Variants in STK24 observed in about 807,000 individuals in gnomAD.
The protein encoded by STK24 is serine/threonine kinase 24, also known as serine/threonine-protein kinase 24.
A neutral mutation model predicts 55.6 loss-of-function variants in STK24; 21 were observed. The observed-to-expected ratio is 0.38, with a 90% CI of 0.27 to 0.54. The LOEUF is 0.54. Ranked by LOEUF, STK24 falls within the 20% of genes least tolerant of loss-of-function variation. STK24 has a pLI of 0.79. For missense variants in STK24, 383 were observed against 538.4 expected (o/e 0.71, Z 2.86); for synonymous variants, 200 against 215.2 (o/e 0.93, Z 0.62).
intron 1 of STK24, among the ~76,000 whole-genome samples, chr13:98,529,019 CAG>C (rs1181096915): frequency 6.6e-6 from 1 of 152,164 alleles, no homozygotes; most frequent in Non-Finnish European, 1.5e-5. Flanking sequence ...AACCGAGCCT[CAG>C]AATCTACTCA....
rs552789685 is a variant in STK24 at position 98,528,401 on chromosome 13, G to C, written c.43-8928C>G. 2.8e-4 allele frequency among the ~76,000 whole-genome samples: 43 copies of C among 152,250 alleles called. No homozygotes were observed. The Middle Eastern group carries it at 0.01, about 36-fold the overall frequency. The stretch of plus-strand genomic sequence containing the variant: ...GGTCCCCTCAGCCCAGTCTAGGTGG[G>C]GGGCAAAACCAGCAACTCCAGCCAG... On this transcript the variant is annotated intron_variant, in intron 1 of 10. Coordinates refer to ENST00000539966, the MANE Select transcript of STK24 (RefSeq NM_001032296.4).
At chr13:98,463,404 A>AAACAG (rs556380158) in intron 7 of STK24, among the ~76,000 whole-genome samples, 210 of 152,292 alleles carry the variant, frequency 1.4e-3, no homozygotes, top group African/African-American at 4.3e-3. Flanking sequence ...GTTTAATGGA[A>AAACAG]AACAGAACAG....
At chr13:98,576,658 A>G in intron 1 of STK24, 87 bp downstream of exon 1, 1 of 1,198,488 alleles carries the variant, frequency 8.3e-7, no homozygotes, top group Non-Finnish European at 1.1e-6. Flanking sequence ...CGGCCGGCTG[A>G]GCGTAGGGGG....
Position 98,461,715 on chromosome 13 carries a change from T to C in STK24, c.1053+59A>G, listed in dbSNP as rs1247700616. On this transcript the variant is annotated intron_variant, in intron 8 of 10. Coordinates refer to ENST00000539966, the MANE Select transcript of STK24 (RefSeq NM_001032296.4). ...ACCCACAGCAAGCTTCACACACAAG[T>C]GCCTCCAAAACACTGCAGACTGAGG... The C allele has an allele frequency of 6.3e-6, 10 of 1,593,364 alleles. No homozygotes were observed. In the East Asian group the frequency reaches 2.0e-4, roughly 32 times the overall value.
chr13:98,567,068 A>G (rs1897596965), intron 1 of STK24, among the ~76,000 whole-genome samples: 1 of 152,250 alleles, frequency 6.6e-6, no homozygotes, highest in African/African-American at 2.4e-5. Context: ...TACCCAAGAA[A>G]GTACTCTGTC....
chr13:98,469,536 C>T (rs1191394297), intron 5 of STK24, among the ~76,000 whole-genome samples: 4 of 131,700 alleles, frequency 3.0e-5, no homozygotes, highest in Admixed American at 7.3e-5. Context: ...ACCCTGCATC[C>T]CCCCCCCCAA....
intron 1 of STK24, among the ~76,000 whole-genome samples, chr13:98,561,552 A>ATGTT (rs143273550): frequency 0.26 from 39,350 of 151,862 alleles, 5,975 homozygotes; most frequent in East Asian, 0.41. Context: ...ACTGTACTCC[A>ATGTT]GCTAGGGCAA....
intron 1 of STK24, among the ~76,000 whole-genome samples, chr13:98,550,231 CTTCT>C (rs1214240909): frequency 2.0e-5 from 3 of 152,288 alleles, no homozygotes; most frequent in African/African-American, 7.2e-5. Context: ...TTTCTTGTTT[CTTCT>C]TTTTCATTTT....
chr13:98,482,218 C>T (rs375155151), intron 3 of STK24, 47 bp downstream of exon 3: 5 of 1,143,928 alleles, frequency 4.4e-6, no homozygotes, highest in Non-Finnish European at 6.1e-6. Flanking sequence ...CCCAGGTTTC[C>T]TGAGAAAAAG....
intron 2 of STK24, among the ~76,000 whole-genome samples, chr13:98,516,442 A>G (rs1305643610): frequency 3.9e-5 from 6 of 152,216 alleles, no homozygotes; most frequent in Non-Finnish European, 7.3e-5. Flanking sequence ...TCCTACAGAG[A>G]TGAAGTGACT....
At chr13:98,473,623 C>T (rs1594587399) in intron 5 of STK24, among the ~76,000 whole-genome samples, 1 of 152,198 alleles carries the variant, frequency 6.6e-6, no homozygotes, top group African/African-American at 2.4e-5. Flanking sequence ...CAAGGGCACA[C>T]ACCCAAGACC....
At chr13:98,464,335 C>T (rs1266900631) in intron 6 of STK24, among the ~76,000 whole-genome samples, 3 of 151,418 alleles carry the variant, frequency 2.0e-5, no homozygotes, top group East Asian at 2.0e-4. Flanking sequence ...AGGAGAATGG[C>T]GTGAACCCAG....
chr13:98,558,404 G>A (rs1027346952), intron 1 of STK24, among the ~76,000 whole-genome samples: 1 of 152,184 alleles, frequency 6.6e-6, no homozygotes, highest in African/African-American at 2.4e-5. Flanking sequence ...GTGCAGCAAA[G>A]AGGAATGCAG....
intron 1 of STK24, among the ~76,000 whole-genome samples, chr13:98,538,222 C>CT (rs55720452): frequency 0.07 from 6,440 of 91,444 alleles, 670 homozygotes; most frequent in African/African-American, 0.15. Context: ...TTGGTGCTTG[C>CT]TTTTTTTTTT....
chr13:98,460,187 AC>A (rs1307969752), intron 9 of STK24, among the ~76,000 whole-genome samples, 184 bp downstream of exon 9: 1 of 131,574 alleles, frequency 7.6e-6, no homozygotes, highest in Non-Finnish European at 1.7e-5. Flanking sequence ...AGTGGGCATC[AC>A]CCAGGACAGG....
At position 98,461,896 on chromosome 13, in the gene STK24, C is replaced by G. The variant is rs774742226; in HGVS notation, c.931G>C (p.Glu311Gln). The change falls in exon 8 of 11, where the codon GAA becomes CAA. Residue 311 changes from glutamate (E) to glutamine (Q), a missense_variant and splice_region_variant. Glu to Gln is a conservative substitution (Grantham distance 29). Coordinates refer to ENST00000539966, the MANE Select transcript of STK24 (RefSeq NM_001032296.4). ...CCCCCCGAGGCTTGGCCATCTGTTT[C>G]CCTTAACACAGAAATGCAGGAAATC... ...DDSSSEDSDA[E>Q]TDGQASGGSD... 1.2e-6 allele frequency: 2 copies of G among 1,613,742 alleles called. No individual in the cohort carries two copies. The highest frequency in any genetic ancestry group is 1.7e-6 in the Non-Finnish European group (2 of 1,179,762).
At chr13:98,555,335 T>A (rs1897260527) in intron 1 of STK24, among the ~76,000 whole-genome samples, 1 of 151,950 alleles carries the variant, frequency 6.6e-6, no homozygotes, top group African/African-American at 2.4e-5. Flanking sequence ...TAATCCCAGC[T>A]CTTTGGGAGG....
intron 10 of STK24, chr13:98,455,128 T>C (rs1893392184): frequency 6.6e-6 from 1 of 152,242 alleles, no homozygotes. Flanking sequence ...TATTGATGAT[T>C]GTTGTTATTA....
intron 2 of STK24, among the ~76,000 whole-genome samples, chr13:98,514,907 C>G (rs1436090917): frequency 6.6e-6 from 1 of 152,044 alleles, no homozygotes; most frequent in African/African-American, 2.4e-5. Context: ...CATGCCAGCA[C>G]TTTACATACA....
Sources: gnomAD v4.1 joint callset for allele counts (sites outside exome capture counted in the v4.1 genomes callset) on GRCh38, gnomAD v4.1.1 for gene constraint, MANE v1.5 for transcripts, NCBI Gene and HGNC (gene_info 2026-07-23, HGNC 2026-07-21) for gene names.